Variants in ROR2 observed in about 807,000 individuals in gnomAD.
ROR2 encodes ROR family WNT receptor 2.
ROR2 carries 33 observed loss-of-function variants against 74.9 expected under a neutral mutation model. The ratio of observed to expected loss-of-function variants is 0.44; its 90% confidence interval spans 0.33 to 0.59. The LOEUF (loss-of-function observed/expected upper bound fraction) is 0.59. Among genes scored for constraint, ROR2 ranks in the 20% least tolerant of loss-of-function variants. The pLI is 0.02. For synonymous variants in ROR2, 586 were observed against 558.7 expected (o/e 1.05, Z -0.69); for missense variants, 1,216 against 1,313.8 (o/e 0.93, Z 1.15).
At chr9:91,821,491 C>T (rs1403689010) in intron 1 of ROR2, among the ~76,000 whole-genome samples, 1 of 152,176 alleles carries the variant, frequency 6.6e-6, no homozygotes, top group Middle Eastern at 3.2e-3. Context: ...CAGCCTGCTC[C>T]CTCAGCAACA....
chr9:91,902,749 C>T (rs1830705919), intron 1 of ROR2, among the ~76,000 whole-genome samples: 1 of 152,178 alleles, frequency 6.6e-6, no homozygotes, highest in Admixed American at 6.5e-5. Flanking sequence ...TCTGCACTGG[C>T]AAAACAAATG....
At chr9:91,937,743 G>T (rs1293826612) in intron 1 of ROR2, among the ~76,000 whole-genome samples, 3 of 152,164 alleles carry the variant, frequency 2.0e-5, no homozygotes, top group Admixed American at 6.5e-5. Flanking sequence ...TTGAGACTGA[G>T]TTTTGCTCTG....
At chr9:91,729,903 G>A (rs993327473) in intron 7 of ROR2, among the ~76,000 whole-genome samples, 3 of 152,202 alleles carry the variant, frequency 2.0e-5, no homozygotes, top group Admixed American at 6.5e-5. Flanking sequence ...AAAGCTGGTG[G>A]GTGGAAGGGA....
intron 1 of ROR2, among the ~76,000 whole-genome samples, chr9:91,795,664 T>A (rs1194423355): frequency 2.0e-5 from 3 of 152,196 alleles, no homozygotes; most frequent in African/African-American, 7.2e-5. Context: ...GAGCTTTTCC[T>A]TGAGGCCTTT....
chr9:91,740,519 T>A (rs1444858817), intron 4 of ROR2, among the ~76,000 whole-genome samples: 2 of 148,556 alleles, frequency 1.3e-5, no homozygotes, highest in African/African-American at 5.1e-5. Context: ...GCCACTGCAC[T>A]CCAGCCTGGG....
Position 91,757,440 on chromosome 9 carries a change from C to A in ROR2, c.295G>T (p.Asp99Tyr). 1 of 1,613,956 alleles carries A rather than the reference C, an allele frequency of 6.2e-7. No homozygotes were observed. Among genetic ancestry groups the A allele is most frequent in the South Asian group, 1.1e-5 (1 of 91,032 alleles). The change falls in exon 3 of 9, where the codon GAT (aspartate) becomes TAT (tyrosine). Residue 99 changes from aspartate (D) to tyrosine (Y), a missense_variant. Coordinates refer to ENST00000375708, the MANE Select transcript of ROR2 (RefSeq NM_004560.4). ...PPPNVRWLKN[D>Y]APVVQEPRRI... ...CGCGGCTCCTGCACCACCGGGGCAT[C>A]ATTCTTTAGCCACCGCACGTTAGGG... is the stretch of plus-strand genomic sequence containing the variant.
intron 2 of ROR2, among the ~76,000 whole-genome samples, chr9:91,767,322 C>T (rs1826091923): frequency 6.6e-6 from 1 of 152,164 alleles, no homozygotes; most frequent in African/African-American, 2.4e-5. Flanking sequence ...ATCCACCCGC[C>T]TCAGCCTCCC....
intron 1 of ROR2, among the ~76,000 whole-genome samples, chr9:91,931,953 T>C (rs1831561801): frequency 6.6e-6 from 1 of 152,172 alleles, no homozygotes. Context: ...AGTAAAGAGT[T>C]AGTCCTACCA....
At chr9:91,883,471 G>A (rs1382066429) in intron 1 of ROR2, 1 of 152,142 alleles carries the variant, frequency 6.6e-6, no homozygotes, top group East Asian at 1.9e-4. Flanking sequence ...CTAGCCACAT[G>A]GGGCCCTTTA....
rs975624288 is a variant in ROR2, at chr9:91,771,311, T to C, written c.175+4430A>G. On this transcript the variant is annotated intron_variant, in intron 2 of 8. Transcript: ENST00000375708. ...ACCCCGCCCCAGCCTTCAGAAATTA[T>C]CCACTTCCCACAAACATTCCAAAGT... Among the ~76,000 whole-genome samples, 9 of 152,308 alleles carry C rather than the reference T, an allele frequency of 5.9e-5. 1 individual carries two copies. The Middle Eastern group carries it at 0.01, about 173-fold the overall frequency.
At chr9:91,740,179 G>A (rs921260082) in intron 4 of ROR2, among the ~76,000 whole-genome samples, 1 of 152,178 alleles carries the variant, frequency 6.6e-6, no homozygotes, top group Admixed American at 6.5e-5. Context: ...TGACAAGGGG[G>A]TGCTGGGGTG....
intron 5 of ROR2, among the ~76,000 whole-genome samples, chr9:91,736,022 T>G (rs1014974597): frequency 6.6e-6 from 1 of 152,218 alleles, no homozygotes; most frequent in African/African-American, 2.4e-5. Context: ...GTGAAATACA[T>G]GTATGTGTAC....
intron 1 of ROR2, among the ~76,000 whole-genome samples, chr9:91,862,306 G>A (rs1235650257): frequency 6.6e-6 from 1 of 152,014 alleles, no homozygotes; most frequent in African/African-American, 2.4e-5. Flanking sequence ...CTCCAGCCTG[G>A]GTGACAGAGC....
intron 1 of ROR2, among the ~76,000 whole-genome samples, chr9:91,846,152 G>C (rs1347656737): frequency 1.3e-5 from 2 of 152,200 alleles, no homozygotes; most frequent in African/African-American, 4.8e-5. Flanking sequence ...GAGAAGTTAA[G>C]CCTGTCTCTT....
intron 1 of ROR2, among the ~76,000 whole-genome samples, chr9:91,943,604 T>C (rs1000291335): frequency 6.6e-6 from 1 of 152,180 alleles, no homozygotes; most frequent in African/African-American, 2.4e-5. Context: ...CACACCACTA[T>C]GAAAATCAAA....
chr9:91,911,369 C>G (rs148493930), intron 1 of ROR2, among the ~76,000 whole-genome samples: 5 of 152,328 alleles, frequency 3.3e-5, no homozygotes, highest in Non-Finnish European at 7.3e-5. Context: ...CAGCATGTGA[C>G]TGTACTGAAT....
At chr9:91,847,817 C>T (rs1030405079) in intron 1 of ROR2, among the ~76,000 whole-genome samples, 2 of 152,022 alleles carry the variant, frequency 1.3e-5, no homozygotes, top group African/African-American at 4.8e-5. Flanking sequence ...ACTCAAGTTC[C>T]GCTCGACCAA....
At chr9:91,885,317 G>T (rs184146758) in intron 1 of ROR2, among the ~76,000 whole-genome samples, 1,892 of 152,060 alleles carry the variant, frequency 0.012, 26 homozygotes, top group Non-Finnish European at 0.018. Context: ...GGGTTGGGGG[G>T]CGGTAGGGCA....
rs1198803344 is a variant in ROR2, at chr9:91,827,945, A to G, written c.98-52127T>C. Among the ~76,000 whole-genome samples the G allele has an allele frequency of 2.0e-5, 3 of 152,204 alleles. No homozygotes were observed. The East Asian group carries it at 5.8e-4, about 29-fold the overall frequency. ...TGTAGTTTTTGCAGCTTTTTTATGT[A>G]TTTGAAAACACAGTAAAGATCTCCT... On this transcript the variant is annotated intron_variant, in intron 1 of 8. Transcript: ENST00000375708.
Sources: allele counts gnomAD v4.1 joint callset (sites outside exome capture counted in the v4.1 genomes callset), GRCh38; gene constraint gnomAD v4.1.1; transcripts MANE v1.5; gene names NCBI Gene and HGNC (gene_info 2026-07-23, HGNC 2026-07-21).